Variants in MAML2 observed in about 807,000 individuals in gnomAD.
MAML2 encodes mastermind like transcriptional coactivator 2.
Under a neutral mutation model 96.1 loss-of-function variants are expected in MAML2, and 22 were observed. That is an observed-to-expected ratio of 0.23 (90% CI 0.16 to 0.33). The LOEUF is 0.33. Ranked by LOEUF, MAML2 falls within the 10% of genes least tolerant of loss-of-function variation. The pLI is 1.00. For synonymous variants in MAML2, 561 were observed against 521.3 expected (o/e 1.08, Z -1.04); for missense variants, 1,367 against 1,392.4 (o/e 0.98, Z 0.29).
chr11:96,122,497 G>GGT (rs67940033), intron 1 of MAML2, among the ~76,000 whole-genome samples: 27,301 of 135,488 alleles, frequency 0.2, 2,672 homozygotes, highest in East Asian at 0.47. Flanking sequence ...TTTTAGGCTG[G>GGT]GTGTGTGTGT....
intron 2 of MAML2, among the ~76,000 whole-genome samples, chr11:96,076,794 C>T (rs1290000781): frequency 6.6e-6 from 1 of 152,214 alleles, no homozygotes; most frequent in Non-Finnish European, 1.5e-5. Flanking sequence ...CACCAGGCCA[C>T]AGCTCATACT....
chr11:96,272,547 A>C (rs1010283122), intron 1 of MAML2, among the ~76,000 whole-genome samples: 1 of 152,216 alleles, frequency 6.6e-6, no homozygotes, highest in Non-Finnish European at 1.5e-5. Flanking sequence ...AATACCTTCC[A>C]AGAAAATCTC....
chr11:96,191,303 A>C (rs1207146886), intron 1 of MAML2, among the ~76,000 whole-genome samples: 1 of 151,740 alleles, frequency 6.6e-6, no homozygotes, highest in Non-Finnish European at 1.5e-5. Flanking sequence ...ATCTCTACTA[A>C]AAATACAAAA....
chr11:96,064,521 A>G (rs1317970239), intron 2 of MAML2, among the ~76,000 whole-genome samples: 2 of 152,236 alleles, frequency 1.3e-5, no homozygotes, highest in African/African-American at 2.4e-5. Context: ...AGATGTTACT[A>G]AGTTCAAGTC....
chr11:96,017,948 T>G (rs1036199330), intron 2 of MAML2, among the ~76,000 whole-genome samples: 1 of 152,134 alleles, frequency 6.6e-6, no homozygotes, highest in African/African-American at 2.4e-5. Context: ...AGGAATGACA[T>G]GATATATGTT....
chr11:96,021,440 T>C (rs189702980), intron 2 of MAML2, among the ~76,000 whole-genome samples: 399 of 152,344 alleles, frequency 2.6e-3, no homozygotes, highest in African/African-American at 8.5e-3. Flanking sequence ...TGTGGGCTAC[T>C]CACTGAATGC....
At chr11:96,034,779 A>G (rs1858685877) in intron 2 of MAML2, among the ~76,000 whole-genome samples, 1 of 152,298 alleles carries the variant, frequency 6.6e-6, no homozygotes, top group South Asian at 2.1e-4. Context: ...GACTCAGACT[A>G]TCCACTATAA....
chr11:96,330,984 C>G (rs116961539), intron 1 of MAML2, among the ~76,000 whole-genome samples: 3,450 of 152,272 alleles, frequency 0.023, 66 homozygotes, highest in Admixed American at 0.041. Flanking sequence ...AAAAAGCCAT[C>G]TACCAGCCAG....
chr11:96,295,420 AATGAGATGAACT>A (rs2135994356), intron 1 of MAML2, among the ~76,000 whole-genome samples: 1 of 152,312 alleles, frequency 6.6e-6, no homozygotes, highest in East Asian at 1.9e-4. Context: ...TACACGCCTA[AATGAGATGAACT>A]ATAAACAGAA....
At chr11:96,120,079 T>C (rs968015209) in intron 1 of MAML2, among the ~76,000 whole-genome samples, 10 of 150,926 alleles carry the variant, frequency 6.6e-5, no homozygotes, top group Non-Finnish European at 1.5e-4. Flanking sequence ...TGCCTCAGCC[T>C]CCCGAGTAGC....
chr11:96,146,161 T>C (rs1389930957), intron 1 of MAML2, among the ~76,000 whole-genome samples: 1 of 152,218 alleles, frequency 6.6e-6, no homozygotes, highest in African/African-American at 2.4e-5. Context: ...TGTGGTAGCA[T>C]GGTATCTTAC....
At position 96,342,536 on chromosome 11, in the gene MAML2, CTT is replaced by C. The variant is rs1450818774; in HGVS notation, c.-643_-642del. On this transcript the variant is annotated 5_prime_UTR_variant, in exon 1 of 5. Coordinates refer to ENST00000524717, the MANE Select transcript of MAML2 (RefSeq NM_032427.4). ...ATGTGCAAAAATCAAGGGAGACTGT[CTT>C]TTGGCTTTTAATTTTTCCTCCCTTT... 1 of 397,654 alleles carries C rather than the reference CTT, an allele frequency of 2.5e-6. No individual in the cohort carries two copies. The highest frequency in any genetic ancestry group is 2.1e-5 in the African/African-American group (1 of 48,620). 24.6% of individuals were successfully genotyped at this position (397,654 alleles called of 1,614,324 possible). A position where few individuals can be genotyped will look rare whatever the true frequency, so the allele number is the denominator to read the frequency against.
At chr11:96,220,546 C>A (rs946638563) in intron 1 of MAML2, among the ~76,000 whole-genome samples, 1 of 152,096 alleles carries the variant, frequency 6.6e-6, no homozygotes, top group African/African-American at 2.4e-5. Flanking sequence ...CTGTTTACTG[C>A]AATCTGGAGT....
chr11:96,098,028 G>T (rs1374585726), intron 1 of MAML2, among the ~76,000 whole-genome samples: 3 of 152,186 alleles, frequency 2.0e-5, no homozygotes. Context: ...CTTGCCAAAT[G>T]CTGACAGTGT....
chr11:96,144,637 T>G (rs1236707009), intron 1 of MAML2, among the ~76,000 whole-genome samples: 1 of 152,170 alleles, frequency 6.6e-6, no homozygotes, highest in African/African-American at 2.4e-5. Context: ...GTTTTTACTG[T>G]GAAATTATAG....
intron 2 of MAML2, among the ~76,000 whole-genome samples, chr11:96,012,013 C>T (rs1819718333): frequency 6.6e-6 from 1 of 152,138 alleles, no homozygotes; most frequent in Non-Finnish European, 1.5e-5. Flanking sequence ...ATAAAATCTA[C>T]TTTTATTTAC....
At chr11:96,182,293 A>G (rs1489546692) in intron 1 of MAML2, among the ~76,000 whole-genome samples, 1 of 152,202 alleles carries the variant, frequency 6.6e-6, no homozygotes, top group Non-Finnish European at 1.5e-5. Context: ...AACTATATGA[A>G]ATTTTAGGTA....
intron 1 of MAML2, among the ~76,000 whole-genome samples, chr11:96,212,152 G>GTGTGT (rs1555025032): frequency 3.9e-5 from 4 of 101,860 alleles, no homozygotes; most frequent in East Asian, 2.9e-4. Flanking sequence ...TGTGTGTGTG[G>GTGTGT]AAGGGGGACT....
At chr11:96,105,107 A>C (rs1161128809) in intron 1 of MAML2, among the ~76,000 whole-genome samples, 5 of 151,952 alleles carry the variant, frequency 3.3e-5, no homozygotes, top group Non-Finnish European at 7.3e-5. Flanking sequence ...TTCTTGATTA[A>C]TTAAAGTTGA....
Sources: allele counts gnomAD v4.1 joint callset (sites outside exome capture counted in the v4.1 genomes callset), GRCh38; gene constraint gnomAD v4.1.1; transcripts MANE v1.5; gene names NCBI Gene and HGNC (gene_info 2026-07-23, HGNC 2026-07-21).